Variants in CCAR2 observed in about 807,000 individuals in gnomAD.
CCAR2 encodes the protein cell cycle and apoptosis regulator 2, also known as cell cycle and apoptosis regulator protein 2.
A neutral mutation model predicts 108.1 loss-of-function variants in CCAR2; 21 were observed. That is an observed-to-expected ratio of 0.19 (90% confidence interval 0.14 to 0.28). The LOEUF (loss-of-function observed/expected upper bound fraction) is 0.28. Ranked by LOEUF, CCAR2 falls within the 10% of genes least tolerant of loss-of-function variation. The pLI is 1.00. For synonymous variants in CCAR2, 577 were observed against 472.8 expected (o/e 1.22, Z -2.86); for missense variants, 1,126 against 1,177.0 (o/e 0.96, Z 0.63).
chr8:22,608,779 A>T (rs1801172731), intron 7 of CCAR2, among the ~76,000 whole-genome samples: 1 of 152,234 alleles, frequency 6.6e-6, no homozygotes, highest in Non-Finnish European at 1.5e-5. Flanking sequence ...GACTCGTTCT[A>T]GTTCTGTCTT....
In CCAR2 at chr8:22,605,728, G is replaced by C; in HGVS notation, c.-38-8G>C. ...TAAGCTGTTAATTTCTTTCTTTTTG[G>C]ATTGAAGCCTTTTCCCCACGACTCT... is the stretch of plus-strand genomic sequence containing the variant. On this transcript the variant is annotated splice_polypyrimidine_tract_variant and splice_region_variant and intron_variant, in intron 1 of 20. Coordinates refer to ENST00000308511, the MANE Select transcript of CCAR2 (RefSeq NM_001393997.1). The C allele has an allele frequency of 6.5e-7, 1 of 1,534,188 alleles. No individual in the cohort carries two copies. The highest frequency in any genetic ancestry group is 9.0e-7 in the Non-Finnish European group (1 of 1,113,324).
intron 8 of CCAR2, 123 bp from the exon 9 acceptor site, chr8:22,613,969 G>A (rs1801394964): frequency 2.7e-6 from 2 of 753,470 alleles, no homozygotes; most frequent in African/African-American, 1.8e-5. Flanking sequence ...TCCTTGAGAG[G>A]TGCCTTACTT....
At chr8:22,608,699 C>T (rs1801169639) in intron 7 of CCAR2, among the ~76,000 whole-genome samples, 1 of 152,192 alleles carries the variant, frequency 6.6e-6, no homozygotes, top group African/African-American at 2.4e-5. Flanking sequence ...CATGTTCCTT[C>T]CTCAGTCTCA....
chr8:22,618,658 C>T lies in CCAR2; in HGVS notation c.2262C>T (p.Cys754=). ...GCAGGGTGGTGACCCAGAACATCTG[C>T]CAGTACCGGAGCCTTCAGTACAGCC... is the stretch of plus-strand genomic sequence containing the variant. ...LVSRVVTQNI[C]QYRSLQYSRQ... Residue 754 remains cysteine, a synonymous_variant, in exon 18 of 21, where the codon TGC becomes TGT. Coordinates refer to ENST00000308511, the MANE Select transcript of CCAR2 (RefSeq NM_001393997.1). 6.2e-7 allele frequency: 1 copy of T among 1,614,122 alleles called. No homozygotes were observed.
At position 22,608,061 on chromosome 8, in the gene CCAR2, C is replaced by G; in HGVS notation, c.580C>G (p.Arg194Gly). Residue 194 changes from arginine (R) to glycine (G), a missense_variant, in exon 7 of 21, where the codon CGA becomes GGA. Around this residue, in one of 4 missense-constraint regions of CCAR2, gnomAD observed 1,013 missense variants for 993.9 expected, o/e 1.02. Coordinates refer to ENST00000308511, the MANE Select transcript of CCAR2 (RefSeq NM_001393997.1). Reference protein sequence around the residue: ...RGPHGRLDQGRSDDYDSKKRK... With the variant: ...RGPHGRLDQGGSDDYDSKKRK... ...CCCTCATGGACGGTTGGATCAGGGC[C>G]GAAGGTAAGAGGATGATGTCCCTTT... The G allele has an allele frequency of 1.9e-6, 3 of 1,612,624 alleles. No homozygotes were observed. Among genetic ancestry groups the G allele is most frequent in the Non-Finnish European group, 2.5e-6 (3 of 1,179,096 alleles).
Position 22,618,845 on chromosome 8 carries a change from C to A in CCAR2, c.2351C>A (p.Pro784His), listed in dbSNP as rs767876821. 1 of 1,613,806 alleles carries A rather than the reference C, an allele frequency of 6.2e-7. No homozygotes were observed. Among genetic ancestry groups the A allele is most frequent in the Admixed American group, 1.7e-5 (1 of 60,010 alleles). Residue 784 changes from proline to histidine, a missense_variant, in exon 19 of 21, where the codon CCC (proline) becomes CAC (histidine). This residue lies in a region of CCAR2 where 1,013 missense variants were observed against 993.9 expected (regional missense o/e 1.02). Transcript: ENST00000308511. ...TCTCTAGGAAACCTGGACCTGCTGC[C>A]CCCTCCTGGGAAAAGCACGAAGCCA... ...EVLFGNLDLLPPPGKSTKPGA... is the reference protein window; with the variant it reads ...EVLFGNLDLLHPPGKSTKPGA...
rs1435706527 is a variant in CCAR2, at chr8:22,619,896, C to T, written c.*214C>T. 3.4e-6 allele frequency: 2 copies of T among 586,124 alleles called. No homozygotes were observed. Among genetic ancestry groups the T allele is most frequent in the African/African-American group, 3.7e-5 (2 of 53,616 alleles). 36.3% of individuals were successfully genotyped at this position (586,124 alleles called of 1,614,324 possible). ...GAGGAACCCCGGTTCCACTTAACAA[C>T]TAAATACAACATCTTTTGCACCCCT... is the stretch of plus-strand genomic sequence containing the variant. On this transcript the variant is annotated 3_prime_UTR_variant, in exon 21 of 21. Transcript: ENST00000308511.
chr8:22,617,296 G>T lies in CCAR2; in HGVS notation c.1846-124G>T, dbSNP rs571319985. On this transcript the variant is annotated intron_variant, in intron 14 of 20. Transcript: ENST00000308511. ...GAAATTAAATACATGAAATGAGACG[G>T]TATCTGTAGAGCCCTCCATACAGTG... 1.0e-5 allele frequency: 11 copies of T among 1,072,854 alleles called. No homozygotes were observed. In the Admixed American group the frequency reaches 2.2e-4, roughly 21 times the overall value. The allele number at this position is 1,072,854 out of a possible 1,614,324, so 66.5% of individuals were successfully genotyped here.
rs1801187344 is a variant in CCAR2, at chr8:22,609,076, G to T, written c.584+1011G>T. The stretch of plus-strand genomic sequence containing the variant: ...TCTTTTTTTTTTTTTTTTGAGACAA[G>T]GGCTTGCTCCGTCACCCAGGCTGGA... On this transcript the variant is annotated intron_variant, in intron 7 of 20. Transcript: ENST00000308511. Among the ~76,000 whole-genome samples the T allele has an allele frequency of 2.2e-5, 3 of 137,586 alleles. No individual in the cohort carries two copies. The South Asian group carries it at 6.9e-4, about 32-fold the overall frequency. 90.3% of individuals were successfully genotyped at this position (137,586 alleles called of 152,430 possible). A position where few individuals can be genotyped will look rare whatever the true frequency, so the allele number is the denominator to read the frequency against.
intron 16 of CCAR2, chr8:22,618,113 T>A (rs1166820197): frequency 3.3e-6 from 2 of 606,256 alleles, no homozygotes; most frequent in East Asian, 5.6e-5. Context: ...GGGGTTTCGC[T>A]GTGTTGCCCA....
Position 22,620,041 on chromosome 8 carries a change from G to A in CCAR2, c.*359G>A, listed in dbSNP as rs918665979. On this transcript the variant is annotated 3_prime_UTR_variant, in exon 21 of 21. Coordinates refer to ENST00000308511, the MANE Select transcript of CCAR2 (RefSeq NM_001393997.1). ...CAGGGGAGAAAAAGGCTTTTCGAGT[G>A]TGGGACAAGGTCTGATGTCAGTGAA... 1 of 277,356 alleles carries A rather than the reference G, an allele frequency of 3.6e-6. No individual in the cohort carries two copies. The highest frequency in any genetic ancestry group is 7.1e-6 in the Non-Finnish European group (1 of 141,250). The allele number at this position is 277,356 out of a possible 1,614,324, so 17.2% of individuals were successfully genotyped here. A position where few individuals can be genotyped will look rare whatever the true frequency, so the allele number is the denominator to read the frequency against.
At chr8:22,608,405 C>G (rs974482472) in intron 7 of CCAR2, among the ~76,000 whole-genome samples, 1 of 152,212 alleles carries the variant, frequency 6.6e-6, no homozygotes, top group African/African-American at 2.4e-5. Context: ...AATGGAAACT[C>G]TCAATAGTAA....
chr8:22,618,478 C>A lies in CCAR2; in HGVS notation c.2203C>A (p.Arg735=). Reference sequence around the variant, plus strand: ...GAGGATCCTCCTTACCCTTGGGATCCGGCTCAGTGCAGAGCAGGTACCTTC... The same window carrying A: ...GAGGATCCTCCTTACCCTTGGGATCAGGCTCAGTGCAGAGCAGGTACCTTC... The part of the protein sequence containing the change: ...LERILLTLGI[R]LSAEQAKQLV... Residue 735 remains arginine (R), a synonymous_variant, in exon 17 of 21, where the codon CGG becomes AGG. Coordinates refer to ENST00000308511, the MANE Select transcript of CCAR2 (RefSeq NM_001393997.1). 1 of 1,614,194 alleles carries A rather than the reference C, an allele frequency of 6.2e-7. No individual in the cohort carries two copies. Among genetic ancestry groups the A allele is most frequent in the Non-Finnish European group, 8.5e-7 (1 of 1,180,040 alleles).
In CCAR2 at chr8:22,617,264, A is replaced by G. The variant is rs1801560922; in HGVS notation, c.1846-156A>G. The G allele has an allele frequency of 5.7e-6, 5 of 871,720 alleles. No individual in the cohort carries two copies. In the South Asian group the frequency reaches 1.6e-4, roughly 28 times the overall value. 54.0% of individuals were successfully genotyped at this position (871,720 alleles called of 1,614,324 possible). ...GATGCCCTGGCATGCTCTGAATCCCACTTAATGAAATTAAATACATGAAAT... is the reference window on the plus strand; with the variant it reads ...GATGCCCTGGCATGCTCTGAATCCCGCTTAATGAAATTAAATACATGAAAT... On this transcript the variant is annotated intron_variant, in intron 14 of 20. Coordinates refer to ENST00000308511, the MANE Select transcript of CCAR2 (RefSeq NM_001393997.1).
rs1199429465 is a variant in CCAR2 at position 22,620,391 on chromosome 8, A to G, written c.*709A>G. 1 of 144,468 alleles carries G rather than the reference A, an allele frequency of 6.9e-6. No individual in the cohort carries two copies. The highest frequency in any genetic ancestry group is 1.5e-5 in the Non-Finnish European group (1 of 65,710). The allele number at this position is 144,468 out of a possible 1,614,324, so 8.9% of individuals were successfully genotyped here. A position where few individuals can be genotyped will look rare whatever the true frequency, so the allele number is the denominator to read the frequency against. On this transcript the variant is annotated 3_prime_UTR_variant, in exon 21 of 21. Transcript: ENST00000308511. Reference sequence around the variant, plus strand: ...GCCTCTTTCCATAATCCGTGGTTTCAGTTTGACTTTGTATATAAAGTTGGG... The same window carrying G: ...GCCTCTTTCCATAATCCGTGGTTTCGGTTTGACTTTGTATATAAAGTTGGG...
chr8:22,619,551 G>C (rs1801673001), intron 20 of CCAR2, 87 bp from the exon 21 acceptor site: 5 of 1,478,696 alleles, frequency 3.4e-6, no homozygotes, highest in African/African-American at 1.4e-5. Context: ...TGCAGTGGGA[G>C]CTTCCCAGCA....
intron 10 of CCAR2, 143 bp from the exon 11 acceptor site, chr8:22,614,695 C>A (rs1321393471): frequency 8.7e-7 from 1 of 1,148,368 alleles, no homozygotes; most frequent in Non-Finnish European, 1.3e-6. Flanking sequence ...GTGGCTGGTT[C>A]ATGTTTGCAG....
At chr8:22,609,052 CTT>C (rs71546822) in intron 7 of CCAR2, among the ~76,000 whole-genome samples, 33 of 133,080 alleles carry the variant, frequency 2.5e-4, no homozygotes, top group Middle Eastern at 3.9e-3. Flanking sequence ...CTTTTTTTTT[CTT>C]TTTTTTTTTT....
At position 22,617,541 on chromosome 8, in the gene CCAR2, G is replaced by C. The variant is rs1262696002; in HGVS notation, c.1967G>C (p.Arg656Thr). ...CTGGACCCAGAACTGTTGCTTCTGA[G>C]GGATGATGGAGAGGAGGAGTTTGGT... ...MALDPELLLL[R>T]DDGEEEFAGA... The change falls in exon 15 of 21, where the codon AGG (arginine) becomes ACG (threonine). Residue 656 changes from arginine (R) to threonine (T), a missense_variant. Physicochemically the swap from Arg to Thr is moderately conservative, Grantham distance 71. Transcript: ENST00000308511. 6.2e-7 allele frequency: 1 copy of C among 1,601,182 alleles called. No homozygotes were observed. Among genetic ancestry groups the C allele is most frequent in the Admixed American group, 1.7e-5 (1 of 58,232 alleles).
Sources: allele counts gnomAD v4.1 joint callset (sites outside exome capture counted in the v4.1 genomes callset), GRCh38; gene constraint gnomAD v4.1.1; regional missense constraint gnomAD v4.1.1; transcripts MANE v1.5; gene names NCBI Gene and HGNC (gene_info 2026-07-23, HGNC 2026-07-21).